PAG1: variants seen among roughly 807,000 people sequenced by gnomAD.
PAG1 encodes the protein phosphoprotein associated with glycosphingolipid-enriched microdomains 1.
Under a neutral mutation model 31.7 loss-of-function variants are expected in PAG1, and 23 were observed. The observed-to-expected ratio is 0.73, with a 90% CI of 0.52 to 1.03. The LOEUF is 1.03. PAG1 is among the 50% of genes least tolerant of loss of function. The pLI is 0.00. For synonymous variants in PAG1, 214 were observed against 210.3 expected, an observed-to-expected ratio of 1.02 and a Z score of -0.15; for missense variants, 473 against 540.7, an observed-to-expected ratio of 0.87 and a Z score of 1.24.
chr8:81,013,393 C>A (rs1394115804), intron 3 of PAG1, among the ~76,000 whole-genome samples: 1 of 152,140 alleles, frequency 6.6e-6, no homozygotes, highest in African/African-American at 2.4e-5. Context: ...TGGGTGTCCC[C>A]CAGGCCCTCG....
At chr8:81,079,152 C>A (rs1809224502) in intron 1 of PAG1, among the ~76,000 whole-genome samples, 1 of 151,994 alleles carries the variant, frequency 6.6e-6, no homozygotes. Flanking sequence ...CCCAAGCAGC[C>A]TTTCCACTCC....
rs1807371119 is a variant in PAG1 at position 80,984,405 on chromosome 8, G to T, written c.876+371C>A. On this transcript the variant is annotated intron_variant, in intron 7 of 8. Transcript: ENST00000220597. Reference sequence around the variant, plus strand: ...CTGATTTTTGGGGATCCTGGAAGGGGAAAGGTCACCATGCTGCTGAGGCAG... The same window carrying T: ...CTGATTTTTGGGGATCCTGGAAGGGTAAAGGTCACCATGCTGCTGAGGCAG... 2.0e-5 allele frequency among the ~76,000 whole-genome samples: 3 copies of T among 152,200 alleles called. No individual in the cohort carries two copies. In the South Asian group the frequency reaches 6.2e-4, roughly 32 times the overall value.
chr8:81,061,693 G>A (rs1316995306), intron 2 of PAG1, among the ~76,000 whole-genome samples: 1 of 152,174 alleles, frequency 6.6e-6, no homozygotes, highest in African/African-American at 2.4e-5. Context: ...TGGGGTCTTA[G>A]CACCTTGTAG....
At chr8:80,984,265 G>A (rs1807368152) in intron 7 of PAG1, among the ~76,000 whole-genome samples, 1 of 152,160 alleles carries the variant, frequency 6.6e-6, no homozygotes, top group Non-Finnish European at 1.5e-5. Context: ...ATAGGCTATA[G>A]TTTAGAAAGG....
chr8:81,067,695 T>A (rs1414811440), intron 2 of PAG1: 2 of 152,252 alleles, frequency 1.3e-5, no homozygotes, highest in Non-Finnish European at 2.9e-5. Flanking sequence ...GAGACAGTTG[T>A]TAAAAGTTCT....
intron 8 of PAG1, among the ~76,000 whole-genome samples, chr8:80,978,227 T>G (rs1367401044): frequency 6.6e-6 from 1 of 152,230 alleles, no homozygotes; most frequent in Non-Finnish European, 1.5e-5. Context: ...TGGAAAACTC[T>G]TACTATGTTG....
intron 1 of PAG1, among the ~76,000 whole-genome samples, chr8:81,097,938 A>G (rs1809553755): frequency 6.6e-6 from 1 of 152,208 alleles, no homozygotes; most frequent in Non-Finnish European, 1.5e-5. Flanking sequence ...GTGCAACACT[A>G]CACTCTGCTC....
At position 80,993,245 on chromosome 8, in the gene PAG1, G is replaced by C. The variant is rs1415824620; in HGVS notation, c.-18C>G. ...GGCCCCATGGCAGGAGCAGGCACTG[G>C]CACCAGCCGAGGGAATCAGTCAGTC... is the stretch of plus-strand genomic sequence containing the variant. On this transcript the variant is annotated 5_prime_UTR_variant, in exon 4 of 9. Coordinates refer to ENST00000220597, the MANE Select transcript of PAG1 (RefSeq NM_018440.4). 4 of 1,593,646 alleles carry C rather than the reference G, an allele frequency of 2.5e-6. No individual in the cohort carries two copies. Among genetic ancestry groups the C allele is most frequent in the Non-Finnish European group, 3.4e-6 (4 of 1,171,240 alleles).
chr8:81,053,289 ACAACT>A (rs1276554410), intron 2 of PAG1, among the ~76,000 whole-genome samples: 1 of 152,260 alleles, frequency 6.6e-6, no homozygotes, highest in African/African-American at 2.4e-5. Flanking sequence ...CTTTGAAGTG[ACAACT>A]CAATAAGTCA....
intron 2 of PAG1, among the ~76,000 whole-genome samples, chr8:81,044,691 A>G (rs1230583826): frequency 6.6e-6 from 1 of 152,108 alleles, no homozygotes; most frequent in East Asian, 1.9e-4. Flanking sequence ...CCTTTCACAC[A>G]CTGATGCACA....
At chr8:81,069,672 C>T (rs781263511) in intron 2 of PAG1, among the ~76,000 whole-genome samples, 6 of 152,142 alleles carry the variant, frequency 3.9e-5, no homozygotes, top group African/African-American at 7.2e-5. Flanking sequence ...AACACAGCCT[C>T]GTATATTTTT....
At chr8:81,002,393 C>T (rs1807801864) in intron 3 of PAG1, among the ~76,000 whole-genome samples, 1 of 152,156 alleles carries the variant, frequency 6.6e-6, no homozygotes, top group South Asian at 2.1e-4. Context: ...CTACAAATGC[C>T]CCCTTTCGGC....
chr8:81,029,391 C>CCG (rs1253550777), intron 3 of PAG1, among the ~76,000 whole-genome samples: 2 of 151,536 alleles, frequency 1.3e-5, no homozygotes, highest in African/African-American at 4.8e-5. Flanking sequence ...CACACACACC[C>CCG]CTCCCCACAA....
intron 3 of PAG1, among the ~76,000 whole-genome samples, chr8:80,998,713 AT>A (rs1203054379): frequency 6.6e-6 from 1 of 152,206 alleles, no homozygotes; most frequent in Non-Finnish European, 1.5e-5. Flanking sequence ...ATAAATAATA[AT>A]TTGGTAGAGA....
At chr8:81,072,811 G>C (rs1398765013) in intron 1 of PAG1, among the ~76,000 whole-genome samples, 2 of 152,212 alleles carry the variant, frequency 1.3e-5, no homozygotes, top group Non-Finnish European at 2.9e-5. Flanking sequence ...AGATGAGGGA[G>C]TGGGTGCATG....
chr8:81,054,500 C>T (rs974608506), intron 2 of PAG1, among the ~76,000 whole-genome samples: 6 of 151,954 alleles, frequency 3.9e-5, no homozygotes, highest in African/African-American at 1.4e-4. Flanking sequence ...CGGTGAAACC[C>T]CCTCTCTACT....
chr8:81,032,446 C>T (rs193107923), intron 2 of PAG1, among the ~76,000 whole-genome samples: 151 of 152,260 alleles, frequency 9.9e-4, no homozygotes, highest in Middle Eastern at 6.8e-3. Flanking sequence ...TCAATAAACA[C>T]ATGAAAAGAT....
intron 3 of PAG1, among the ~76,000 whole-genome samples, chr8:81,013,422 C>G (rs999289546): frequency 1.3e-5 from 2 of 152,124 alleles, no homozygotes; most frequent in Non-Finnish European, 2.9e-5. Flanking sequence ...GTGCGCAAGG[C>G]TATACTCTCC....
intron 3 of PAG1, among the ~76,000 whole-genome samples, chr8:81,012,814 G>A (rs1469230200): frequency 2.0e-5 from 3 of 152,190 alleles, no homozygotes; most frequent in Non-Finnish European, 4.4e-5. Flanking sequence ...ATTGTATTGT[G>A]TGATGCAAAA....
Sources: gnomAD v4.1 joint callset for allele counts (sites outside exome capture counted in the v4.1 genomes callset) on GRCh38, gnomAD v4.1.1 for gene constraint, MANE v1.5 for transcripts, NCBI Gene and HGNC (gene_info 2026-07-23, HGNC 2026-07-21) for gene names.